The following IFRD1 variants were observed in gnomAD, a reference collection of about 807,000 sequenced individuals.
The protein encoded by IFRD1 is interferon related developmental regulator 1, also known as interferon-related developmental regulator 1.
A neutral mutation model predicts 52.9 loss-of-function variants in IFRD1; 35 were observed. The ratio of observed to expected loss-of-function variants is 0.66; its 90% confidence interval spans 0.51 to 0.88. IFRD1 has a LOEUF of 0.88. IFRD1 is among the 40% of genes least tolerant of loss of function. The pLI is 0.00. For synonymous variants in IFRD1, 184 were observed against 188.4 expected, an observed-to-expected ratio of 0.98 and a Z score of 0.19; for missense variants, 517 against 550.8, an observed-to-expected ratio of 0.94 and a Z score of 0.61.
intron 1 of IFRD1, among the ~76,000 whole-genome samples, chr7:112,453,071 TAAC>T (rs1795202776): frequency 6.6e-6 from 1 of 152,196 alleles, no homozygotes. Context: ...TTTGCTTACT[TAAC>T]AAGCCACTTA....
At chr7:112,463,463 G>A (rs1795517763) in intron 8 of IFRD1, among the ~76,000 whole-genome samples, 1 of 152,002 alleles carries the variant, frequency 6.6e-6, no homozygotes, top group South Asian at 2.1e-4. Flanking sequence ...ATTTTTATGT[G>A]TAAAGTGGCT....
In IFRD1 at chr7:112,458,735, C is replaced by A. The variant is rs574627931; in HGVS notation, c.410-126C>A. On this transcript the variant is annotated intron_variant, in intron 4 of 11. Coordinates refer to ENST00000403825, the MANE Select transcript of IFRD1 (RefSeq NM_001550.4). ...CCTAAGTTTGTAACTTACATCAAAGCCTGGAGCATGGGGTTTCAAAAATGG... is the reference window on the plus strand; with the variant it reads ...CCTAAGTTTGTAACTTACATCAAAGACTGGAGCATGGGGTTTCAAAAATGG... The A allele has an allele frequency of 8.5e-6, 7 of 827,488 alleles. No individual in the cohort carries two copies. In the East Asian group the frequency reaches 1.6e-4, roughly 19 times the overall value. 51.3% of individuals were successfully genotyped at this position (827,488 alleles called of 1,614,324 possible).
upstream of IFRD1, among the ~76,000 whole-genome samples, chr7:112,449,392 T>G (rs1795095567): frequency 1.3e-5 from 2 of 152,174 alleles, no homozygotes; most frequent in Non-Finnish European, 2.9e-5. Context: ...AGTATTCGTT[T>G]CAGAGATGTT....
At chr7:112,469,483 T>C (rs539101558) in intron 9 of IFRD1, among the ~76,000 whole-genome samples, 1 of 152,302 alleles carries the variant, frequency 6.6e-6, no homozygotes, top group African/African-American at 2.4e-5. Flanking sequence ...AAAATTAGTC[T>C]TATAATTAGT....
chr7:112,468,836 C>T (rs1159767372), intron 9 of IFRD1, among the ~76,000 whole-genome samples: 11 of 152,134 alleles, frequency 7.2e-5, no homozygotes, highest in South Asian at 2.1e-4. Context: ...GGCTAAAAAC[C>T]GAAATAACAA....
chr7:112,450,587 C>T lies in IFRD1; in HGVS notation c.-102C>T. 1 of 890,272 alleles carries T rather than the reference C, an allele frequency of 1.1e-6. No individual in the cohort carries two copies. Among genetic ancestry groups the T allele is most frequent in the South Asian group, 1.4e-5 (1 of 72,752 alleles). The allele number at this position is 890,272 out of a possible 1,614,324, so 55.1% of individuals were successfully genotyped here. A position where few individuals can be genotyped will look rare whatever the true frequency, so the allele number is the denominator to read the frequency against. ...TCGACTCTGTTGTTAGCCGAAGACT[C>T]GCCTCTCAGCCGCCCGCCGCACAGA... On this transcript the variant is annotated 5_prime_UTR_variant, in exon 1 of 12. Coordinates refer to ENST00000403825, the MANE Select transcript of IFRD1 (RefSeq NM_001550.4).
Position 112,472,823 on chromosome 7 carries a change from G to A in IFRD1, c.1228G>A (p.Ala410Thr). ...ELGPPVMLDA[A>T]TLKTMKISRF... ...TGGACCCCCAGTGATGCTTGATGCT[G>A]CAACGCTTAAAACGATGAAGATTTC... Residue 410 changes from alanine (A) to threonine (T), a missense_variant, in exon 11 of 12, where the codon GCA becomes ACA. Coordinates refer to ENST00000403825, the MANE Select transcript of IFRD1 (RefSeq NM_001550.4). 6.2e-7 allele frequency: 1 copy of A among 1,613,502 alleles called. No individual in the cohort carries two copies.
intron 8 of IFRD1, among the ~76,000 whole-genome samples, chr7:112,466,862 A>G (rs373968770): frequency 6.6e-5 from 10 of 152,274 alleles, no homozygotes; most frequent in South Asian, 2.1e-4. Flanking sequence ...TTATGATGCA[A>G]TCTGATTCTT....
Position 112,465,202 on chromosome 7 carries a change from A to G in IFRD1, c.907-2779A>G, listed in dbSNP as rs1313639795. Among the ~76,000 whole-genome samples, 3 of 152,108 alleles carry G rather than the reference A, an allele frequency of 2.0e-5. No homozygotes were observed. The East Asian group carries it at 5.8e-4, about 29-fold the overall frequency. ...TACAGAGCCACTGTGTCTGGCCTCA[A>G]GTTTTATTTTAATATTAGGCTTTTG... On this transcript the variant is annotated intron_variant, in intron 8 of 11. Transcript: ENST00000403825.
chr7:112,449,133 C>G (rs1795091729), upstream of IFRD1, among the ~76,000 whole-genome samples: 1 of 152,196 alleles, frequency 6.6e-6, no homozygotes, highest in African/African-American at 2.4e-5. Context: ...GGCAGCATTA[C>G]TGTGCATGAA....
rs1434342612 is a variant in IFRD1, at chr7:112,472,294, A to G, written c.1117A>G (p.Thr373Ala). 2 of 1,614,006 alleles carry G rather than the reference A, an allele frequency of 1.2e-6. No individual in the cohort carries two copies. The highest frequency in any genetic ancestry group is 2.2e-5 in the East Asian group (1 of 44,872). The stretch of plus-strand genomic sequence containing the variant: ...TATTGATTGCTGGGTAAAAAAACAC[A>G]CCTATGACACCTTTAAGGAGGTTCT... ...MYIDCWVKKH[T>A]YDTFKEVLGS... The change falls in exon 10 of 12, where the codon ACC becomes GCC. Residue 373 changes from threonine to alanine, a missense_variant. Coordinates refer to ENST00000403825, the MANE Select transcript of IFRD1 (RefSeq NM_001550.4).
rs546515131 is a variant in IFRD1, at chr7:112,466,110, A to G, written c.907-1871A>G. ...ATTATAAGAGTATATTAAGATATTTATTTCTCTGGGAGCTCATTTCTTATT... is the reference window on the plus strand; with the variant it reads ...ATTATAAGAGTATATTAAGATATTTGTTTCTCTGGGAGCTCATTTCTTATT... On this transcript the variant is annotated intron_variant, in intron 8 of 11. Transcript: ENST00000403825. Among the ~76,000 whole-genome samples the G allele has an allele frequency of 3.0e-4, 46 of 152,010 alleles. 1 individual carries two copies. In the Middle Eastern group the frequency reaches 0.014, roughly 45 times the overall value.
chr7:112,472,127 G>A, intron 9 of IFRD1, 92 bp from the exon 10 acceptor site: 3 of 1,265,618 alleles, frequency 2.4e-6, no homozygotes, highest in Admixed American at 1.7e-5. Context: ...ATTTATCTCA[G>A]CATGTATATG....
At chr7:112,461,131 A>G (rs1795422530) in intron 5 of IFRD1, among the ~76,000 whole-genome samples, 1 of 152,010 alleles carries the variant, frequency 6.6e-6, no homozygotes, top group Non-Finnish European at 1.5e-5. Flanking sequence ...TCTTTTCAGC[A>G]TAATCCAGAA....
chr7:112,447,295 A>C (rs1342663432), upstream of IFRD1, among the ~76,000 whole-genome samples: 1 of 152,220 alleles, frequency 6.6e-6, no homozygotes, highest in African/African-American at 2.4e-5. Flanking sequence ...TAAAAGAAGA[A>C]TATATTTTAC....
At chr7:112,452,028 AT>A (rs1401235243) in intron 1 of IFRD1, 1 of 980,554 alleles carries the variant, frequency 1.0e-6, no homozygotes, top group Non-Finnish European at 1.2e-6. Context: ...TAAAACAGCA[AT>A]TTTTTACATT....
At chr7:112,430,755 A>G (rs1178048355) in intron 1 of IFRD1, among the ~76,000 whole-genome samples, 1 of 152,112 alleles carries the variant, frequency 6.6e-6, no homozygotes, top group African/African-American at 2.4e-5. Context: ...GGGTTGACCA[A>G]GTGGGTGGAC....
At chr7:112,434,078 G>A (rs559125173) in intron 1 of IFRD1, among the ~76,000 whole-genome samples, 87 of 152,124 alleles carry the variant, frequency 5.7e-4, no homozygotes, top group African/African-American at 2.0e-3. Context: ...CTGCTTTGGC[G>A]TCCCAAAGTG....
At chr7:112,439,004 T>A (rs1308853499) in intron 1 of IFRD1, among the ~76,000 whole-genome samples, 1 of 152,062 alleles carries the variant, frequency 6.6e-6, no homozygotes, top group Non-Finnish European at 1.5e-5. Context: ...ACAAGAACAG[T>A]AACAAACAAC....
Sources: allele counts gnomAD v4.1 joint callset (sites outside exome capture counted in the v4.1 genomes callset), GRCh38; gene constraint gnomAD v4.1.1; transcripts MANE v1.5; gene names NCBI Gene and HGNC (gene_info 2026-07-23, HGNC 2026-07-21).